NBAS: variants seen among roughly 807,000 people sequenced by gnomAD.
The protein encoded by NBAS is NBAS subunit of NRZ tethering complex.
NBAS carries 219 observed loss-of-function variants against 302.5 expected under a neutral mutation model. The observed-to-expected ratio is 0.72, with a 90% CI of 0.65 to 0.81. The LOEUF (loss-of-function observed/expected upper bound fraction) is 0.81. NBAS is among the 30% of genes least tolerant of loss of function. The pLI is 0.00. For synonymous variants in NBAS, 1,118 were observed against 1,021.6 expected, an observed-to-expected ratio of 1.09 and a Z score of -1.80; for missense variants, 2,932 against 2,841.6, an observed-to-expected ratio of 1.03 and a Z score of -0.72.
At chr2:14,941,449 C>A in the NBAS span, among the ~76,000 whole-genome samples, 4 of 152,206 alleles carry the variant, frequency 2.6e-5, no homozygotes, top group Non-Finnish European at 4.4e-5. Context: ...AAATTGCTGA[C>A]CTCATCTAAG....
the NBAS span, among the ~76,000 whole-genome samples, chr2:14,967,546 C>T: frequency 1.4e-4 from 22 of 152,082 alleles, no homozygotes; most frequent in African/African-American, 5.3e-4. Context: ...AAACTATTCA[C>T]ATGCAAAAAT....
the NBAS span, among the ~76,000 whole-genome samples, chr2:14,831,155 G>C: frequency 6.6e-6 from 1 of 152,056 alleles, no homozygotes; most frequent in Non-Finnish European, 1.5e-5. Flanking sequence ...AGTCGTTTCT[G>C]TTTTGTTTTT....
chr2:15,368,053 A>G (rs1674297420), intron 31 of NBAS, among the ~76,000 whole-genome samples: 2 of 152,196 alleles, frequency 1.3e-5, no homozygotes. Flanking sequence ...ACAAGTGCAT[A>G]TATACACAAA....
At chr2:15,104,500 CTT>C in the NBAS span, among the ~76,000 whole-genome samples, 2,346 of 147,462 alleles carry the variant, frequency 0.016, 48 homozygotes, top group African/African-American at 0.046. Flanking sequence ...TTATCTGCTA[CTT>C]TTTTTTTTTT....
chr2:15,127,453 C>T, the NBAS span, among the ~76,000 whole-genome samples: 7,118 of 152,268 alleles, frequency 0.047, 227 homozygotes, highest in Middle Eastern at 0.1. Context: ...TTCCCTGTGT[C>T]GCAGCACAGC....
At chr2:14,835,963 C>A in the NBAS span, among the ~76,000 whole-genome samples, 1 of 151,950 alleles carries the variant, frequency 6.6e-6, no homozygotes, top group Non-Finnish European at 1.5e-5. Context: ...CACAACCTCA[C>A]CAACACTTGA....
At chr2:15,261,970 CA>C (rs1474491395) in intron 44 of NBAS, among the ~76,000 whole-genome samples, 1 of 152,186 alleles carries the variant, frequency 6.6e-6, no homozygotes, top group Non-Finnish European at 1.5e-5. Flanking sequence ...CCTAACACTT[CA>C]AACTACTCAG....
chr2:14,990,421 C>A, the NBAS span, among the ~76,000 whole-genome samples: 1 of 147,254 alleles, frequency 6.8e-6, no homozygotes, highest in South Asian at 2.1e-4. Context: ...GAGACTCCAT[C>A]TCAAAAAAAA....
the NBAS span, among the ~76,000 whole-genome samples, chr2:15,086,785 C>T: frequency 6.6e-6 from 1 of 152,138 alleles, no homozygotes; most frequent in East Asian, 1.9e-4. Context: ...AAAGTGACAC[C>T]CCAAAGATCC....
intron 50 of NBAS, among the ~76,000 whole-genome samples, chr2:15,184,606 T>C (rs1371158791): frequency 6.6e-6 from 1 of 152,096 alleles, no homozygotes. Flanking sequence ...ACTGAGACAG[T>C]AATGTAAATG....
At chr2:15,476,339 T>C (rs1207778724) in intron 13 of NBAS, among the ~76,000 whole-genome samples, 5 of 152,066 alleles carry the variant, frequency 3.3e-5, no homozygotes, top group Non-Finnish European at 7.4e-5. Flanking sequence ...AGATATGTAA[T>C]AGTTTCCAGT....
At chr2:15,212,636 C>T (rs1317353265) in intron 48 of NBAS, among the ~76,000 whole-genome samples, 2 of 152,160 alleles carry the variant, frequency 1.3e-5, no homozygotes, top group Non-Finnish European at 2.9e-5. Flanking sequence ...ATAATCCCCA[C>T]GTGTAGTGGA....
the NBAS span, among the ~76,000 whole-genome samples, chr2:15,049,961 C>G: frequency 6.6e-6 from 1 of 152,200 alleles, no homozygotes; most frequent in Admixed American, 6.5e-5. Flanking sequence ...TGGCTGCCCT[C>G]GGCCATGCAG....
At chr2:14,837,801 T>G in the NBAS span, among the ~76,000 whole-genome samples, 3 of 151,830 alleles carry the variant, frequency 2.0e-5, no homozygotes, top group African/African-American at 7.2e-5. Context: ...CCATATTCCT[T>G]GTATTTAATT....
intron 47 of NBAS, among the ~76,000 whole-genome samples, chr2:15,219,619 T>C (rs769807823): frequency 1.2e-3 from 166 of 138,818 alleles, no homozygotes; most frequent in Non-Finnish European, 2.0e-3. Context: ...CAGCACATGT[T>C]TCAGAGGGCA....
chr2:15,297,488 T>C (rs1670602751), intron 40 of NBAS, among the ~76,000 whole-genome samples: 1 of 151,990 alleles, frequency 6.6e-6, no homozygotes, highest in Admixed American at 6.5e-5. Context: ...CGTGATGGAG[T>C]TCTCATGACA....
At chr2:14,856,932 C>A in the NBAS span, among the ~76,000 whole-genome samples, 1 of 152,114 alleles carries the variant, frequency 6.6e-6, no homozygotes, top group Non-Finnish European at 1.5e-5. Context: ...AACCTAAAGA[C>A]TTCACAAGAA....
chr2:14,976,735 C>T, the NBAS span, among the ~76,000 whole-genome samples: 1 of 152,082 alleles, frequency 6.6e-6, no homozygotes, highest in Non-Finnish European at 1.5e-5. Flanking sequence ...TAACAAGCAC[C>T]CTTGCAAGAG....
At chr2:15,008,358 G>T in the NBAS span, among the ~76,000 whole-genome samples, 1 of 152,210 alleles carries the variant, frequency 6.6e-6, no homozygotes, top group African/African-American at 2.4e-5. Flanking sequence ...TAATTCACTA[G>T]ATTAGTCTTG....
Sources: gnomAD v4.1 joint callset for allele counts (sites outside exome capture counted in the v4.1 genomes callset) on GRCh38, gnomAD v4.1.1 for gene constraint, MANE v1.5 for transcripts, NCBI Gene and HGNC (gene_info 2026-07-23, HGNC 2026-07-21) for gene names.